Variants in RBBP7 observed in about 807,000 individuals in gnomAD.
RBBP7 encodes the protein RB binding protein 7, chromatin remodeling factor, also known as histone-binding protein RBBP7.
Under a neutral mutation model 35.2 loss-of-function variants are expected in RBBP7, and 5 were observed. That is an observed-to-expected ratio of 0.14 (90% CI 0.07 to 0.30). The LOEUF (loss-of-function observed/expected upper bound fraction) is 0.30, where lower values mean the gene tolerates loss of function less well. Ranked by LOEUF, RBBP7 falls within the 10% of genes least tolerant of loss-of-function variation. The probability of loss-of-function intolerance (pLI) is 1.00; values close to 1 mark genes in which losing one functional copy is unlikely to be tolerated. For missense variants in RBBP7, 155 were observed against 327.5 expected, an observed-to-expected ratio of 0.47 and a Z score of 4.07; for synonymous variants, 140 against 118.7, an observed-to-expected ratio of 1.18 and a Z score of -1.17.
chrX:16,859,290 A>G (rs1487123904), intron 3 of RBBP7, among the ~76,000 whole-genome samples: 1 of 112,152 alleles, frequency 8.9e-6, no homozygotes, highest in Non-Finnish European at 1.9e-5. Context: ...CAGTATGAAC[A>G]CCCTTTGAGT....
chrX:16,861,751 G>A (rs1473423856), intron 3 of RBBP7, among the ~76,000 whole-genome samples: 1 of 111,708 alleles, frequency 9.0e-6, no homozygotes, highest in African/African-American at 3.3e-5. Context: ...ACAGCAGTCT[G>A]GGTGCTTAGC....
intron 1 of RBBP7, 167 bp downstream of exon 1, chrX:16,869,871 G>C (rs1160472431): frequency 2.4e-6 from 2 of 830,270 alleles, no homozygotes; most frequent in African/African-American, 4.4e-5. Context: ...CCCTCGGCGC[G>C]GCGGTCCCGT....
intron 9 of RBBP7, among the ~76,000 whole-genome samples, chrX:16,849,778 T>TA (rs1196692010): frequency 8.9e-6 from 1 of 112,331 alleles, no homozygotes; most frequent in Non-Finnish European, 1.9e-5. Context: ...AATCTACACA[T>TA]AAACTGATGT....
intron 9 of RBBP7, among the ~76,000 whole-genome samples, 167 bp downstream of exon 9, chrX:16,851,879 T>C (rs983801959): frequency 4.4e-5 from 5 of 112,667 alleles, no homozygotes; most frequent in Non-Finnish European, 7.5e-5. Context: ...GCTGCTTCAC[T>C]TCTATTTTAC....
At chrX:16,853,093 A>G in intron 6 of RBBP7, 2 of 446,914 alleles carry the variant, frequency 4.5e-6, no homozygotes, top group Middle Eastern at 6.6e-4. Flanking sequence ...TTTAAATTAG[A>G]TTCCTATTTT....
intron 3 of RBBP7, among the ~76,000 whole-genome samples, chrX:16,859,546 A>C (rs1239843191): frequency 8.9e-6 from 1 of 112,801 alleles, no homozygotes; most frequent in Non-Finnish European, 1.9e-5. Context: ...ACATGTTAGC[A>C]GAAAGAATAC....
intron 2 of RBBP7, among the ~76,000 whole-genome samples, chrX:16,864,295 G>A (rs1036878742): frequency 2.7e-5 from 3 of 109,690 alleles, no homozygotes; most frequent in Admixed American, 1.9e-4. Flanking sequence ...CAAGGCAGGC[G>A]GATCACCTGA....
In RBBP7 at chrX:16,863,020, G is replaced by C; in HGVS notation, c.242C>G (p.Ala81Gly). The C allele has an allele frequency of 8.3e-7, 1 of 1,210,082 alleles. No homozygotes were observed. The highest frequency in any genetic ancestry group is 1.1e-6 in the Non-Finnish European group (1 of 894,115). Residue 81 changes from alanine to glycine, a missense_variant, in exon 3 of 12, where the codon GCT becomes GGT. Ala to Gly is a moderately conservative substitution (Grantham distance 60, BLOSUM62 0). Coordinates refer to ENST00000380087, the MANE Select transcript of RBBP7 (RefSeq NM_002893.4). ...TSDEQNHLVVARVHIPNDDAQ... is the reference protein window; with the variant it reads ...TSDEQNHLVVGRVHIPNDDAQ... ...ATCATCATTGGGAATATGTACTCGAGCAACCACCAGATGATTCTGCTCATC... is the reference window on the plus strand; with the variant it reads ...ATCATCATTGGGAATATGTACTCGACCAACCACCAGATGATTCTGCTCATC...
In RBBP7 at chrX:16,852,535, G is replaced by T. The variant is rs764766516; in HGVS notation, c.963+16C>A. ...TTCATTTCCTGACATACAGACACCA[G>T]AAAACTGTCACATACCTGGAAAATT... On this transcript the variant is annotated intron_variant, in intron 8 of 11. Transcript: ENST00000380087. 2.3e-5 allele frequency: 28 copies of T among 1,207,455 alleles called. No individual in the cohort carries two copies. Among genetic ancestry groups the T allele is most frequent in the Non-Finnish European group, 3.1e-5 (28 of 891,523 alleles).
Position 16,857,612 on chromosome X carries a change from T to C in RBBP7, c.579A>G (p.Leu193=), listed in dbSNP as rs1256085656. 30 of 1,209,648 alleles carry C rather than the reference T, an allele frequency of 2.5e-5. No homozygotes were observed. The highest frequency in any genetic ancestry group is 3.4e-5 in the Non-Finnish European group (30 of 894,880). Residue 193 remains leucine, a synonymous_variant, in exon 5 of 12, where the codon CTA becomes CTG. Transcript: ENST00000380087. ...SWNSNLSGHL[L]SASDDHTVCL... ...TTCTCACATGGTCATCAGATGCACT[T>C]AGGAGATGTCCACTCAAATTTGAAT... is the stretch of plus-strand genomic sequence containing the variant.
chrX:16,845,168 A>G, intron 11 of RBBP7, 65 bp from the exon 12 acceptor site: 1 of 791,681 alleles, frequency 1.3e-6, no homozygotes, highest in South Asian at 2.4e-5. Context: ...TCATGTAAAA[A>G]CAATTTAATC....
intron 2 of RBBP7, among the ~76,000 whole-genome samples, chrX:16,867,623 G>A (rs1209252831): frequency 9.0e-6 from 1 of 111,262 alleles, no homozygotes; most frequent in Admixed American, 9.6e-5. Context: ...TGCATATGGA[G>A]AACCCGGCCA....
intron 5 of RBBP7, among the ~76,000 whole-genome samples, chrX:16,855,053 CT>C (rs66524293): frequency 0.41 from 35,787 of 86,414 alleles, 6,578 homozygotes; most frequent in East Asian, 0.79. Context: ...ATTAAATCAC[CT>C]TTTTTTTTTT....
At position 16,844,869 on chromosome X, in the gene RBBP7, A is replaced by G. The variant is rs1930031039; in HGVS notation, c.*166T>C. 5 of 405,562 alleles carry G rather than the reference A, an allele frequency of 1.2e-5. No individual in the cohort carries two copies. In the South Asian group the frequency reaches 2.1e-4, roughly 17 times the overall value. The allele number at this position is 405,562 out of a possible 1,213,427, so 33.4% of individuals were successfully genotyped here. ...TCTTCTCTTCCCTAATAGCTACAAT[A>G]TGATACAGTACGCAACAGCTCACTT... On this transcript the variant is annotated 3_prime_UTR_variant, in exon 12 of 12. Coordinates refer to ENST00000380087, the MANE Select transcript of RBBP7 (RefSeq NM_002893.4).
In RBBP7 at chrX:16,846,004, C is replaced by G. The variant is rs1043665495; in HGVS notation, c.1099-66G>C. ...CCTGTTAATCCTAACAAAGGTTTTA[C>G]TAAGTTTTTAGAGCTATCAGTATTT... is the stretch of plus-strand genomic sequence containing the variant. On this transcript the variant is annotated intron_variant, in intron 10 of 11. Transcript: ENST00000380087. 2.6e-6 allele frequency: 3 copies of G among 1,157,072 alleles called. No homozygotes were observed. In the African/African-American group the frequency reaches 5.4e-5, roughly 21 times the overall value.
intron 4 of RBBP7, among the ~76,000 whole-genome samples, 170 bp from the exon 5 acceptor site, chrX:16,857,879 T>C (rs2147521439): frequency 8.9e-6 from 1 of 111,806 alleles, no homozygotes; most frequent in East Asian, 2.8e-4. Flanking sequence ...TTGGTTTCTT[T>C]GGAAAACCTA....
At chrX:16,855,510 G>A (rs773571226) in intron 5 of RBBP7, among the ~76,000 whole-genome samples, 1 of 112,066 alleles carries the variant, frequency 8.9e-6, no homozygotes, top group South Asian at 3.7e-4. Flanking sequence ...AACATGTGGT[G>A]CTCCTGCCAT....
chrX:16,853,185 G>C (rs978268224), intron 6 of RBBP7: 2 of 246,991 alleles, frequency 8.1e-6, no homozygotes, highest in Non-Finnish European at 1.4e-5. Context: ...AACTAGTTTT[G>C]ACAAATGCCC....
chrX:16,852,237 T>TCAGGCCAAG, intron 8 of RBBP7, 115 bp from the exon 9 acceptor site: 1 of 689,129 alleles, frequency 1.5e-6, no homozygotes, highest in Non-Finnish European at 2.3e-6. Flanking sequence ...ATCCTTGGCC[T>TCAGGCCAAG]GATGGCCTCA....
Sources: gnomAD v4.1 joint callset for allele counts (sites outside exome capture counted in the v4.1 genomes callset) on GRCh38, gnomAD v4.1.1 for gene constraint, MANE v1.5 for transcripts, NCBI Gene and HGNC (gene_info 2026-07-23, HGNC 2026-07-21) for gene names.